Variants in ARMH4 observed in about 807,000 individuals in gnomAD.
The protein encoded by ARMH4 is armadillo-like helical domain-containing protein 4.
Under a neutral mutation model 61.9 loss-of-function variants are expected in ARMH4, and 49 were observed. The observed-to-expected ratio is 0.79, with a 90% CI of 0.63 to 1.00. ARMH4 has a LOEUF of 1.00. ARMH4 is among the 50% of genes least tolerant of loss of function. The probability of loss-of-function intolerance (pLI) is 0.00; values close to 1 mark genes in which losing one functional copy is unlikely to be tolerated. For synonymous variants in ARMH4, 368 were observed against 341.5 expected, an observed-to-expected ratio of 1.08 and a Z score of -0.85; for missense variants, 934 against 930.0, an observed-to-expected ratio of 1.00 and a Z score of -0.06.
chr14:58,075,227 C>G (rs1885008743), intron 5 of ARMH4, among the ~76,000 whole-genome samples: 1 of 152,116 alleles, frequency 6.6e-6, no homozygotes, highest in Admixed American at 6.5e-5. Flanking sequence ...ACTAGAAATA[C>G]CATTTGACCC....
chr14:58,018,834 C>A (rs1490502893), intron 5 of ARMH4, among the ~76,000 whole-genome samples: 1 of 152,136 alleles, frequency 6.6e-6, no homozygotes, highest in Non-Finnish European at 1.5e-5. Flanking sequence ...ATGTTCACTG[C>A]AGCACTATTC....
intron 5 of ARMH4, among the ~76,000 whole-genome samples, chr14:58,020,275 C>T (rs1396596007): frequency 2.6e-5 from 4 of 152,130 alleles, no homozygotes; most frequent in Admixed American, 6.5e-5. Flanking sequence ...CTTATCACAG[C>T]TCACGGGGCT....
chr14:58,021,855 C>T (rs1207706541), intron 5 of ARMH4, among the ~76,000 whole-genome samples: 3 of 152,148 alleles, frequency 2.0e-5, no homozygotes, highest in East Asian at 3.8e-4. Flanking sequence ...AACCTTTGTT[C>T]AGGTTAGCCT....
chr14:58,043,119 A>C lies in ARMH4; in HGVS notation c.2090-30969T>G, dbSNP rs187150104. On this transcript the variant is annotated intron_variant, in intron 5 of 7. Transcript: ENST00000267485. ...ACTCATTTTATGAGGCCAGCATCAT[A>C]CTGATACCAAAGCCTGGCAGAGACA... Among the ~76,000 whole-genome samples the C allele has an allele frequency of 6.4e-3, 968 of 152,280 alleles. 7 individuals are homozygous for C. Among genetic ancestry groups the C allele is most frequent in the African/African-American group, 0.022 (923 of 41,564 alleles).
rs145514205 is a variant in ARMH4 at position 58,138,421 on chromosome 14, T to G, written c.938A>C (p.Glu313Ala). The G allele has an allele frequency of 8.1e-6, 13 of 1,614,108 alleles. No homozygotes were observed. In the African/African-American group the frequency reaches 1.5e-4, roughly 18 times the overall value. ...AVPAASALSDEWDDTKLESVS... is the reference protein window; with the variant it reads ...AVPAASALSDAWDDTKLESVS... Reference sequence around the variant, plus strand: ...ACTCTCTAATTTGGTGTCATCCCACTCATCACTTAAGGCAGAGGCAGCTGG... The same window carrying G: ...ACTCTCTAATTTGGTGTCATCCCACGCATCACTTAAGGCAGAGGCAGCTGG... Residue 313 changes from glutamate (E) to alanine (A), a missense_variant, in exon 2 of 8, where the codon GAG becomes GCG. Glu to Ala is a moderately radical substitution (Grantham distance 107). Coordinates refer to ENST00000267485, the MANE Select transcript of ARMH4 (RefSeq NM_001001872.4).
intron 5 of ARMH4, among the ~76,000 whole-genome samples, chr14:58,065,966 A>G (rs758724840): frequency 3.9e-5 from 6 of 152,214 alleles, no homozygotes; most frequent in Non-Finnish European, 7.3e-5. Flanking sequence ...CAACCATGTG[A>G]GCTTGGAGGC....
At chr14:58,013,100 T>C (rs1882469791) in intron 5 of ARMH4, among the ~76,000 whole-genome samples, 1 of 152,228 alleles carries the variant, frequency 6.6e-6, no homozygotes, top group Non-Finnish European at 1.5e-5. Flanking sequence ...TAAGATTTCC[T>C]GAAATTTTCT....
chr14:58,105,306 A>G (rs994803735), intron 4 of ARMH4, among the ~76,000 whole-genome samples: 2 of 152,224 alleles, frequency 1.3e-5, no homozygotes, highest in African/African-American at 4.8e-5. Flanking sequence ...CTGAACCCCA[A>G]ATAAGAATGG....
chr14:58,110,379 A>G (rs777793661), intron 4 of ARMH4, among the ~76,000 whole-genome samples: 1 of 152,206 alleles, frequency 6.6e-6, no homozygotes, highest in Admixed American at 6.5e-5. Context: ...AGAATACAGC[A>G]TGTTGTTATT....
intron 4 of ARMH4, among the ~76,000 whole-genome samples, chr14:58,107,862 T>C (rs1292037588): frequency 1.3e-5 from 2 of 151,980 alleles, no homozygotes; most frequent in Non-Finnish European, 2.9e-5. Flanking sequence ...TGAGCGCATA[T>C]TAGCCTTTCT....
chr14:58,111,223 TAAG>T (rs1361449364), intron 4 of ARMH4, among the ~76,000 whole-genome samples: 5 of 152,098 alleles, frequency 3.3e-5, no homozygotes, highest in Admixed American at 6.5e-5. Flanking sequence ...ATACAATACA[TAAG>T]AAGGATAATA....
chr14:58,042,826 A>C (rs1027191026), intron 5 of ARMH4, among the ~76,000 whole-genome samples: 15 of 152,208 alleles, frequency 9.9e-5, no homozygotes, highest in Non-Finnish European at 1.3e-4. Context: ...CCTCTACACA[A>C]ATAAACTAGA....
intron 1 of ARMH4, among the ~76,000 whole-genome samples, chr14:58,148,975 T>A (rs1450071225): frequency 1.3e-5 from 2 of 152,180 alleles, no homozygotes; most frequent in Non-Finnish European, 2.9e-5. Flanking sequence ...AATTAGTGAT[T>A]CTCTGATGAG....
At chr14:58,077,279 C>T (rs1204401908) in intron 5 of ARMH4, among the ~76,000 whole-genome samples, 3 of 152,090 alleles carry the variant, frequency 2.0e-5, no homozygotes, top group African/African-American at 7.2e-5. Context: ...ATTGATGAAA[C>T]CATGTATCAG....
At chr14:58,096,510 G>A (rs1269645880) in intron 5 of ARMH4, among the ~76,000 whole-genome samples, 2 of 152,112 alleles carry the variant, frequency 1.3e-5, no homozygotes, top group East Asian at 1.9e-4. Flanking sequence ...TAAACTCATC[G>A]AAGAAATAAG....
rs1284752143 is a variant in ARMH4, at chr14:58,144,319, T to C, written c.-56-4905A>G. On this transcript the variant is annotated intron_variant, in intron 1 of 7. Coordinates refer to ENST00000267485, the MANE Select transcript of ARMH4 (RefSeq NM_001001872.4). The stretch of plus-strand genomic sequence containing the variant: ...TGGCTCATACCTGTAGTCCCAATAC[T>C]TTGAGAGGCCAAGGCAGGAGGATCA... 2.0e-5 allele frequency among the ~76,000 whole-genome samples: 3 copies of C among 152,038 alleles called. No individual in the cohort carries two copies. In the East Asian group the frequency reaches 5.8e-4, roughly 29 times the overall value.
At chr14:58,133,459 G>A in intron 2 of ARMH4, 118 bp from the exon 3 acceptor site, 1 of 912,622 alleles carries the variant, frequency 1.1e-6, no homozygotes. Flanking sequence ...AGGAACTGGG[G>A]AAGCAAAGAG....
At chr14:58,103,598 A>AT (rs5808959) in intron 4 of ARMH4, among the ~76,000 whole-genome samples, 77,070 of 150,190 alleles carry the variant, frequency 0.51, 20,144 homozygotes, top group Middle Eastern at 0.63. Flanking sequence ...AGAGCACTAT[A>AT]TTTTTTTTTG....
intron 5 of ARMH4, among the ~76,000 whole-genome samples, chr14:58,014,234 T>A (rs946073919): frequency 1.3e-5 from 2 of 152,138 alleles, no homozygotes; most frequent in Admixed American, 6.5e-5. Flanking sequence ...ACCTCTCTCT[T>A]GTCCTTCCCT....
Sources: gnomAD v4.1 joint callset for allele counts (sites outside exome capture counted in the v4.1 genomes callset) on GRCh38, gnomAD v4.1.1 for gene constraint, MANE v1.5 for transcripts, NCBI Gene and HGNC (gene_info 2026-07-23, HGNC 2026-07-21) for gene names.